The following MGST1 variants were observed in gnomAD, a reference collection of about 807,000 sequenced individuals.
MGST1 encodes microsomal glutathione S-transferase 1.
In MGST1, 5 loss-of-function variants were observed where a neutral mutation model predicts 8.9. The observed-to-expected ratio is 0.56, with a 90% CI of 0.29 to 1.19. The LOEUF is 1.19. MGST1 is among the 50% of genes most tolerant of loss of function. MGST1 has a pLI of 0.08. For synonymous variants in MGST1, 54 were observed against 67.8 expected (o/e 0.80, Z 1.00); for missense variants, 182 against 187.4 (o/e 0.97, Z 0.17).
At chr12:16,541,287 A>C (rs1047182981) in intron 4 of MGST1, among the ~76,000 whole-genome samples, 2 of 152,152 alleles carry the variant, frequency 1.3e-5, no homozygotes, top group African/African-American at 4.8e-5. Context: ...ATAGATTAGA[A>C]ATGATCTTCA....
chr12:16,478,276 C>T (rs906988891), intron 4 of MGST1, among the ~76,000 whole-genome samples: 3 of 152,202 alleles, frequency 2.0e-5, no homozygotes, highest in Admixed American at 2.0e-4. Flanking sequence ...GATCCGCCTG[C>T]CTCGGCTTCC....
At chr12:16,488,972 A>T (rs1941418861) in intron 4 of MGST1, among the ~76,000 whole-genome samples, 1 of 151,990 alleles carries the variant, frequency 6.6e-6, no homozygotes, top group Non-Finnish European at 1.5e-5. Flanking sequence ...ATTATCTGTG[A>T]GTGGTGGCAT....
rs1209945437 is a variant in MGST1 at position 16,513,456 on chromosome 12, C to T, written n.483-76072C>T. On this transcript the variant is annotated intron_variant and non_coding_transcript_variant, in intron 4 of 4. Coordinates refer to the MGST1 transcript ENST00000538857. The surrounding 1 kb of genome is among the most constrained non-coding windows in gnomAD (Gnocchi z 4.2). ...GCCGCCGCCTTCCACCCGGGCTCGC[C>T]TCTGATGCCCCTGCCAGAGCCAGCT... 7.1e-6 allele frequency: 3 copies of T among 423,156 alleles called. No individual in the cohort carries two copies. The highest frequency in any genetic ancestry group is 6.2e-5 in the African/African-American group (3 of 48,372). 26.2% of individuals were successfully genotyped at this position (423,156 alleles called of 1,614,324 possible).
At chr12:16,404,909 G>A (rs565303108) in intron 1 of MGST1, among the ~76,000 whole-genome samples, 53 of 149,344 alleles carry the variant, frequency 3.5e-4, no homozygotes, top group Non-Finnish European at 4.3e-4. Flanking sequence ...AAACTCTCTC[G>A]GTTTTTGTCT....
intron 4 of MGST1, among the ~76,000 whole-genome samples, chr12:16,485,698 A>G (rs1322217412): frequency 6.6e-6 from 1 of 152,214 alleles, no homozygotes; most frequent in African/African-American, 2.4e-5. Context: ...TGGACATTAG[A>G]ATATTATTAG....
chr12:16,551,258 A>G, intron 4 of MGST1: 4 of 1,613,032 alleles, frequency 2.5e-6, no homozygotes, highest in Non-Finnish European at 3.4e-6. Context: ...CTTTCATTAA[A>G]CCTTCCTCGT....
downstream of MGST1, among the ~76,000 whole-genome samples, chr12:16,378,071 A>G (rs1324453374): frequency 5.9e-5 from 9 of 152,042 alleles, no homozygotes; most frequent in Admixed American, 4.6e-4. Flanking sequence ...AGTAGGTTGC[A>G]AAAATTTTCT....
At chr12:16,460,822 G>T (rs1228155771) in intron 4 of MGST1, among the ~76,000 whole-genome samples, 2 of 151,984 alleles carry the variant, frequency 1.3e-5, no homozygotes, top group Non-Finnish European at 2.9e-5. Flanking sequence ...GATGTCAGGT[G>T]ATGCAGTCCC....
rs933303317 is a variant in MGST1 at position 16,434,095 on chromosome 12, G to A, written n.779-3293G>A. The stretch of plus-strand genomic sequence containing the variant: ...CTAATTAAGGACCTGCACTTCATGC[G>A]TATCTATGTTAACATGTATTTATTT... On this transcript the variant is annotated intron_variant and non_coding_transcript_variant, in intron 1 of 1. Coordinates refer to the MGST1 transcript ENST00000359720. Among the ~76,000 whole-genome samples, 18 of 151,968 alleles carry A rather than the reference G, an allele frequency of 1.2e-4. 1 individual carries two copies. The highest frequency in any genetic ancestry group is 7.2e-4 in the Admixed American group (11 of 15,236).
rs560784673 is a variant in MGST1 at position 16,535,931 on chromosome 12, T to A, written n.483-53597T>A. 2.0e-5 allele frequency among the ~76,000 whole-genome samples: 3 copies of A among 152,308 alleles called. No homozygotes were observed. The South Asian group carries it at 6.2e-4, about 32-fold the overall frequency. ...TTCAGAGAACAGTTGATAAGCATTT[T>A]TTATCTACCACTACCAAAGGCTAAA... On this transcript the variant is annotated intron_variant and non_coding_transcript_variant, in intron 4 of 4. Coordinates refer to the MGST1 transcript ENST00000538857.
chr12:16,533,976 G>T (rs1005853701), intron 4 of MGST1, among the ~76,000 whole-genome samples: 8 of 152,152 alleles, frequency 5.3e-5, no homozygotes, highest in African/African-American at 1.7e-4. Context: ...TCAGGAATAA[G>T]GGAAAATGCA....
intron 4 of MGST1, among the ~76,000 whole-genome samples, chr12:16,531,307 T>C (rs1941721746): frequency 6.6e-6 from 1 of 152,080 alleles, no homozygotes; most frequent in Non-Finnish European, 1.5e-5. Flanking sequence ...TTTATTGAGA[T>C]TATTTTTATT....
rs960911301 is a variant in MGST1, at chr12:16,559,380, G to T, written n.483-30148G>T. On this transcript the variant is annotated intron_variant and non_coding_transcript_variant, in intron 4 of 4. Coordinates refer to the MGST1 transcript ENST00000538857. This position sits in a 1 kb window ranked among gnomAD's most constrained non-coding sequence, Gnocchi z 4.1. ...AAGTGATAATACTTTTCAGCTGAAAGAATTCTCTGAGATGAACTAATCCAG... is the reference window on the plus strand; with the variant it reads ...AAGTGATAATACTTTTCAGCTGAAATAATTCTCTGAGATGAACTAATCCAG... Among the ~76,000 whole-genome samples, 1 of 152,134 alleles carries T rather than the reference G, an allele frequency of 6.6e-6. No individual in the cohort carries two copies. Among genetic ancestry groups the T allele is most frequent in the Non-Finnish European group, 1.5e-5 (1 of 68,004 alleles).
intron 1 of MGST1, among the ~76,000 whole-genome samples, chr12:16,435,990 A>AAAC (rs1940982253): frequency 1.3e-5 from 1 of 77,532 alleles, no homozygotes; most frequent in Non-Finnish European, 2.5e-5. Context: ...CCCTGCTGCA[A>AAAC]ATACACACAC....
chr12:16,426,309 G>A (rs1158592127), intron 1 of MGST1, among the ~76,000 whole-genome samples: 1 of 152,062 alleles, frequency 6.6e-6, no homozygotes, highest in Non-Finnish European at 1.5e-5. Flanking sequence ...TGTTCATTTT[G>A]ATTGGAATGC....
At chr12:16,391,043 A>G (rs746004246) in intron 1 of MGST1, among the ~76,000 whole-genome samples, 77 of 151,496 alleles carry the variant, frequency 5.1e-4, no homozygotes, top group Non-Finnish European at 1.0e-3. Flanking sequence ...TTTGATTTGC[A>G]TTTCTCTAAT....
At chr12:16,543,276 G>A (rs576135457) in intron 4 of MGST1, among the ~76,000 whole-genome samples, 5 of 152,064 alleles carry the variant, frequency 3.3e-5, no homozygotes, top group South Asian at 2.1e-4. Flanking sequence ...CACATACATG[G>A]AACTCAAAAC....
At chr12:16,486,235 C>T (rs987938883) in intron 4 of MGST1, among the ~76,000 whole-genome samples, 2 of 152,194 alleles carry the variant, frequency 1.3e-5, no homozygotes, top group Non-Finnish European at 2.9e-5. Context: ...TATACTCTTA[C>T]ACAATTATTT....
chr12:16,569,546 A>C (rs776163076), intron 4 of MGST1, among the ~76,000 whole-genome samples: 1 of 152,188 alleles, frequency 6.6e-6, no homozygotes, highest in Non-Finnish European at 1.5e-5. Flanking sequence ...TGATCAGCAC[A>C]GCAGCCTACT....
Sources: gnomAD v4.1 joint callset for allele counts (sites outside exome capture counted in the v4.1 genomes callset) on GRCh38, gnomAD v4.1.1 for gene constraint, Gnocchi (gnomAD v3.1) non-coding constraint, MANE v1.5 for transcripts, NCBI Gene and HGNC (gene_info 2026-07-23, HGNC 2026-07-21) for gene names.